The following TWIST2 variants were observed in gnomAD, a reference collection of about 807,000 sequenced individuals.
TWIST2 encodes the protein twist family bHLH transcription factor 2.
TWIST2 carries 1 observed loss-of-function variant against 11.6 expected under a neutral mutation model. That is an observed-to-expected ratio of 0.09 (90% CI 0.03 to 0.41). The LOEUF (loss-of-function observed/expected upper bound fraction) is 0.41. TWIST2 is among the 10% of genes least tolerant of loss of function. The probability of loss-of-function intolerance (pLI) is 0.98; values close to 1 mark genes in which losing one functional copy is unlikely to be tolerated. For missense variants in TWIST2, 168 were observed against 226.4 expected, an observed-to-expected ratio of 0.74 and a Z score of 1.66; for synonymous variants, 87 against 96.6, an observed-to-expected ratio of 0.90 and a Z score of 0.58.
At chr2:238,851,821 T>C (rs1692247202) in intron 1 of TWIST2, among the ~76,000 whole-genome samples, 1 of 152,196 alleles carries the variant, frequency 6.6e-6, no homozygotes, top group Admixed American at 6.5e-5. Flanking sequence ...ATAAGCAATG[T>C]TTGGTTACAA....
At chr2:238,858,345 A>G (rs1333331870) in intron 1 of TWIST2, among the ~76,000 whole-genome samples, 1 of 152,204 alleles carries the variant, frequency 6.6e-6, no homozygotes, top group Non-Finnish European at 1.5e-5. Flanking sequence ...AATTGAAGTC[A>G]CTGTTTCTGG....
In TWIST2 at chr2:238,883,344, C is replaced by T. The variant is rs555864939; in HGVS notation, c.*36-26498C>T. 1.8e-4 allele frequency among the ~76,000 whole-genome samples: 27 copies of T among 152,254 alleles called. 1 individual carries two copies. In the South Asian group the frequency reaches 5.0e-3, roughly 28 times the overall value. On this transcript the variant is annotated intron_variant, in intron 1 of 1. Transcript: ENST00000612363. ...GCCCCACAGGGCTGCAGATGGGCTC[C>T]GTTCACCACATTGCTCATTTTAAAA...
Position 238,866,845 on chromosome 2 carries a change from C to T in TWIST2, c.*35+18112C>T, listed in dbSNP as rs150217063. The stretch of plus-strand genomic sequence containing the variant: ...ATATCCCCTAGCGGCCTGGCAGCTG[C>T]GACGGTTTGTCTGCCTGTCACCCCG... On this transcript the variant is annotated intron_variant, in intron 1 of 1. Transcript: ENST00000612363. The surrounding 1 kb of genome is among the most constrained non-coding windows in gnomAD (Gnocchi z 4.9). Among the ~76,000 whole-genome samples the T allele has an allele frequency of 1.3e-3, 196 of 152,154 alleles. No individual in the cohort carries two copies. Among genetic ancestry groups the T allele is most frequent in the African/African-American group, 4.2e-3 (176 of 41,514 alleles).
intron 1 of TWIST2, among the ~76,000 whole-genome samples, chr2:238,874,350 G>A (rs139598492): frequency 1.1e-3 from 164 of 152,226 alleles, no homozygotes; most frequent in African/African-American, 3.9e-3. Context: ...TTAATTTCAC[G>A]TGCAGTATTT....
At chr2:238,889,807 G>A (rs1291293324) in intron 1 of TWIST2, among the ~76,000 whole-genome samples, 1 of 152,218 alleles carries the variant, frequency 6.6e-6, no homozygotes, top group Non-Finnish European at 1.5e-5. Context: ...TATTAAGTGA[G>A]CACCTGCTAC....
At chr2:238,905,896 CGTGTGT>C (rs1217952011) in intron 1 of TWIST2, among the ~76,000 whole-genome samples, 11,221 of 139,244 alleles carry the variant, frequency 0.081, 507 homozygotes, top group East Asian at 0.17. Flanking sequence ...CGCGCATGCG[CGTGTGT>C]GCGTGTGTGT....
chr2:238,908,422 CCA>C (rs1693393232), intron 1 of TWIST2, among the ~76,000 whole-genome samples: 1 of 151,194 alleles, frequency 6.6e-6, no homozygotes, highest in East Asian at 2.0e-4. Context: ...ACTGCACACA[CCA>C]CACATACCAC....
intron 1 of TWIST2, chr2:238,887,262 T>TACG (rs952653656): frequency 2.0e-5 from 3 of 152,116 alleles, no homozygotes; most frequent in African/African-American, 7.2e-5. Flanking sequence ...ACTGAATGAG[T>TACG]ACGACTCCCT....
chr2:238,900,979 C>CG (rs1486237546), intron 1 of TWIST2, among the ~76,000 whole-genome samples: 2 of 149,266 alleles, frequency 1.3e-5, no homozygotes, highest in African/African-American at 5.0e-5. Flanking sequence ...TTCTCCTTCC[C>CG]CCCCGGCTTT....
intron 1 of TWIST2, among the ~76,000 whole-genome samples, chr2:238,909,191 T>G (rs1303391792): frequency 3.8e-4 from 2 of 5,276 alleles, no homozygotes; most frequent in Non-Finnish European, 5.4e-4. Context: ...TGTGGTATGT[T>G]TGGTGTGTGT....
At chr2:238,906,167 G>A (rs953097089) in intron 1 of TWIST2, among the ~76,000 whole-genome samples, 11,958 of 151,974 alleles carry the variant, frequency 0.079, 541 homozygotes, top group East Asian at 0.16. Flanking sequence ...GTGAAGGAGC[G>A]GAACCACACG....
In TWIST2 at chr2:238,879,149, G is replaced by A. The variant is rs151054655; in HGVS notation, c.*35+30416G>A. Among the ~76,000 whole-genome samples the A allele has an allele frequency of 1.4e-3, 216 of 152,344 alleles. 1 individual carries two copies. Among genetic ancestry groups the A allele is most frequent in the African/African-American group, 5.0e-3 (206 of 41,584 alleles). ...CAGCCTTCCTGGCTCTGTCCCCTCT[G>A]AGACTGTGAGCCCCTCCTGGTGGGG... On this transcript the variant is annotated intron_variant, in intron 1 of 1. Coordinates refer to ENST00000612363, the MANE Select transcript of TWIST2 (RefSeq NM_001271893.4).
At chr2:238,902,173 TGTG>T (rs1160430341) in intron 1 of TWIST2, among the ~76,000 whole-genome samples, 1 of 151,482 alleles carries the variant, frequency 6.6e-6, no homozygotes, top group African/African-American at 2.4e-5. Flanking sequence ...TGTGTAATGG[TGTG>T]TGTGTGTGTG....
intron 1 of TWIST2, among the ~76,000 whole-genome samples, chr2:238,906,879 G>T (rs1452402162): frequency 1.3e-5 from 2 of 152,216 alleles, no homozygotes; most frequent in African/African-American, 4.8e-5. Context: ...GTCTCGTTGC[G>T]CTGGTTTGCC....
chr2:238,876,611 G>A (rs1338676482), intron 1 of TWIST2, among the ~76,000 whole-genome samples: 4 of 152,210 alleles, frequency 2.6e-5, no homozygotes, highest in Non-Finnish European at 2.9e-5. Context: ...TCTCTCAGTA[G>A]GAGCTTAGAT....
chr2:238,886,586 C>T (rs367711577), intron 1 of TWIST2, among the ~76,000 whole-genome samples: 3 of 151,512 alleles, frequency 2.0e-5, no homozygotes, highest in African/African-American at 4.8e-5. Flanking sequence ...TCTGGAGCCC[C>T]GGGGGCATGG....
chr2:238,875,061 G>A lies in TWIST2; in HGVS notation c.*35+26328G>A, dbSNP rs1323248706. Among the ~76,000 whole-genome samples the A allele has an allele frequency of 2.0e-5, 3 of 152,138 alleles. No homozygotes were observed. The East Asian group carries it at 5.8e-4, about 29-fold the overall frequency. Reference sequence around the variant, plus strand: ...ACAGCAGAGCAGGCACAGCTGGAAGGATTTATTTTTCTCTTGCTACCAGAA... The same window carrying A: ...ACAGCAGAGCAGGCACAGCTGGAAGAATTTATTTTTCTCTTGCTACCAGAA... On this transcript the variant is annotated intron_variant, in intron 1 of 1. Transcript: ENST00000612363.
chr2:238,853,569 G>C (rs2106348667), intron 1 of TWIST2, among the ~76,000 whole-genome samples: 1 of 152,232 alleles, frequency 6.6e-6, no homozygotes, highest in South Asian at 2.1e-4. Context: ...GTAACCCTTT[G>C]GATGAGATTG....
chr2:238,870,521 C>T (rs1239768755), intron 1 of TWIST2, among the ~76,000 whole-genome samples: 1 of 141,032 alleles, frequency 7.1e-6, no homozygotes, highest in Admixed American at 7.2e-5. Flanking sequence ...ATACCACACA[C>T]AAACCACACA....
Sources: gnomAD v4.1 joint callset for allele counts (sites outside exome capture counted in the v4.1 genomes callset) on GRCh38, gnomAD v4.1.1 for gene constraint, Gnocchi (gnomAD v3.1) non-coding constraint, MANE v1.5 for transcripts, NCBI Gene and HGNC (gene_info 2026-07-23, HGNC 2026-07-21) for gene names.